Variants in ZMAT4 observed in about 807,000 individuals in gnomAD.
The protein encoded by ZMAT4 is zinc finger matrin-type 4.
In ZMAT4, 17 loss-of-function variants were observed where a neutral mutation model predicts 28.7. The ratio of observed to expected loss-of-function variants is 0.59; its 90% CI spans 0.41 to 0.89. The LOEUF is 0.89. ZMAT4 is among the 40% of genes least tolerant of loss of function. ZMAT4 has a pLI of 0.00. For synonymous variants in ZMAT4, 117 were observed against 109.2 expected (o/e 1.07, Z -0.44); for missense variants, 240 against 283.8 (o/e 0.85, Z 1.11).
At chr8:40,643,636 C>T (rs560036946) in intron 5 of ZMAT4, among the ~76,000 whole-genome samples, 27 of 152,174 alleles carry the variant, frequency 1.8e-4, no homozygotes, top group Non-Finnish European at 4.0e-4. Flanking sequence ...ATGAGTGCTA[C>T]AGTTGTACAG....
intron 5 of ZMAT4, among the ~76,000 whole-genome samples, chr8:40,654,522 C>T: frequency 6.6e-6 from 1 of 152,132 alleles, no homozygotes; most frequent in East Asian, 1.9e-4. Context: ...AAGAAAACTA[C>T]AGACCAACAT....
chr8:40,785,431 CTG>C, intron 2 of ZMAT4, among the ~76,000 whole-genome samples: 1 of 152,332 alleles, frequency 6.6e-6, no homozygotes, highest in African/African-American at 2.4e-5. Context: ...GTACAATGTA[CTG>C]TAGGTGTCCA....
intron 6 of ZMAT4, among the ~76,000 whole-genome samples, chr8:40,564,407 CT>C (rs1184845798): frequency 6.6e-6 from 1 of 152,150 alleles, no homozygotes; most frequent in Non-Finnish European, 1.5e-5. Flanking sequence ...TTCTCTCCCC[CT>C]GTCAATGACA....
intron 2 of ZMAT4, among the ~76,000 whole-genome samples, chr8:40,780,868 T>A (rs948397352): frequency 6.6e-6 from 1 of 152,064 alleles, no homozygotes; most frequent in African/African-American, 2.4e-5. Context: ...ACTCAACAAC[T>A]AGGAATAGCA....
intron 5 of ZMAT4, among the ~76,000 whole-genome samples, chr8:40,613,078 T>A (rs1246296192): frequency 1.3e-5 from 2 of 151,996 alleles, no homozygotes; most frequent in East Asian, 3.9e-4. Context: ...CCCAAAGTGC[T>A]GAGATTACAG....
chr8:40,656,220 GA>G (rs890330834), intron 5 of ZMAT4, among the ~76,000 whole-genome samples: 4 of 151,946 alleles, frequency 2.6e-5, no homozygotes, highest in African/African-American at 9.7e-5. Flanking sequence ...TAGCCATCAG[GA>G]AAAAAGTAAA....
intron 5 of ZMAT4, among the ~76,000 whole-genome samples, chr8:40,625,760 G>A (rs1236580672): frequency 6.6e-6 from 1 of 152,124 alleles, no homozygotes; most frequent in East Asian, 1.9e-4. Context: ...CCTCAGTCAA[G>A]CATTTAAGGG....
chr8:40,820,486 G>A (rs796102696), intron 2 of ZMAT4, among the ~76,000 whole-genome samples: 6 of 118,704 alleles, frequency 5.1e-5, no homozygotes, highest in African/African-American at 2.0e-4. Context: ...TTATGTGTAT[G>A]TGTGTATATG....
At chr8:40,561,657 C>G (rs1248133508) in intron 6 of ZMAT4, among the ~76,000 whole-genome samples, 1 of 152,160 alleles carries the variant, frequency 6.6e-6, no homozygotes, top group African/African-American at 2.4e-5. Context: ...CCAGCTCTCA[C>G]AAAGGCTCAG....
chr8:40,852,593 A>G (rs1222189939), intron 1 of ZMAT4, among the ~76,000 whole-genome samples: 2 of 152,224 alleles, frequency 1.3e-5, no homozygotes, highest in Non-Finnish European at 2.9e-5. Flanking sequence ...TTTTTTCACC[A>G]AAACTTGACA....
At chr8:40,804,699 G>A (rs1026679900) in intron 2 of ZMAT4, among the ~76,000 whole-genome samples, 3 of 151,978 alleles carry the variant, frequency 2.0e-5, no homozygotes, top group Admixed American at 2.0e-4. Context: ...AAATTAGCTG[G>A]GTGTGGTGGC....
chr8:40,579,004 C>T (rs1374491256), intron 6 of ZMAT4, among the ~76,000 whole-genome samples: 1 of 152,164 alleles, frequency 6.6e-6, no homozygotes, highest in African/African-American at 2.4e-5. Flanking sequence ...TGATAGTGGG[C>T]AAGTCACTTT....
intron 4 of ZMAT4, among the ~76,000 whole-genome samples, chr8:40,677,009 A>G (rs1477984339): frequency 1.3e-5 from 2 of 152,216 alleles, no homozygotes; most frequent in Non-Finnish European, 2.9e-5. Flanking sequence ...GAGGATTTAT[A>G]ATTAGCTATT....
At chr8:40,695,977 GT>G (rs1809869517) in intron 4 of ZMAT4, among the ~76,000 whole-genome samples, 1 of 151,966 alleles carries the variant, frequency 6.6e-6, no homozygotes. Flanking sequence ...TCCAGTGACT[GT>G]TTTTTTGAGG....
At chr8:40,626,820 A>G (rs1252300870) in intron 5 of ZMAT4, among the ~76,000 whole-genome samples, 1 of 152,146 alleles carries the variant, frequency 6.6e-6, no homozygotes, top group Admixed American at 6.6e-5. Context: ...GGGGGGCTGG[A>G]GGTGGCCATT....
intron 1 of ZMAT4, among the ~76,000 whole-genome samples, chr8:40,861,102 T>C (rs933650647): frequency 1.3e-5 from 2 of 152,234 alleles, no homozygotes; most frequent in Non-Finnish European, 2.9e-5. Context: ...TACATATTAA[T>C]AGTTCATGCT....
chr8:40,823,343 C>T (rs1345643484), intron 2 of ZMAT4, among the ~76,000 whole-genome samples: 2 of 152,084 alleles, frequency 1.3e-5, no homozygotes, highest in African/African-American at 2.4e-5. Context: ...CCCCCATTTC[C>T]TTAACTGGGG....
At chr8:40,874,431 A>C (rs1817969179) in intron 1 of ZMAT4, among the ~76,000 whole-genome samples, 1 of 152,198 alleles carries the variant, frequency 6.6e-6, no homozygotes, top group Non-Finnish European at 1.5e-5. Flanking sequence ...GATATAATGT[A>C]TACTGGGAGT....
At chr8:40,835,202 C>T (rs1159574100) in intron 1 of ZMAT4, among the ~76,000 whole-genome samples, 1 of 152,032 alleles carries the variant, frequency 6.6e-6, no homozygotes, top group Non-Finnish European at 1.5e-5. Flanking sequence ...AAACAGAGCC[C>T]ATATCATGGG....
Sources: gnomAD v4.1 joint callset for allele counts (sites outside exome capture counted in the v4.1 genomes callset) on GRCh38, gnomAD v4.1.1 for gene constraint, MANE v1.5 for transcripts, NCBI Gene and HGNC (gene_info 2026-07-23, HGNC 2026-07-21) for gene names.